CCDC73: variants seen among roughly 807,000 people sequenced by gnomAD.
CCDC73 encodes coiled-coil domain-containing protein 73.
A neutral mutation model predicts 116.5 loss-of-function variants in CCDC73; 95 were observed. The ratio of observed to expected loss-of-function variants is 0.82; its 90% confidence interval spans 0.69 to 0.97. CCDC73 has a LOEUF of 0.97. Ranked by LOEUF, CCDC73 falls within the 50% of genes least tolerant of loss-of-function variation. The pLI is 0.00. For synonymous variants in CCDC73, 398 were observed against 401.3 expected (o/e 0.99, Z 0.10); for missense variants, 1,066 against 1,206.8 (o/e 0.88, Z 1.73).
chr11:32,801,985 C>T, the CCDC73 span, among the ~76,000 whole-genome samples: 5 of 152,130 alleles, frequency 3.3e-5, no homozygotes, highest in Admixed American at 3.3e-4. Flanking sequence ...TAAAACATTA[C>T]ATATTTTATT....
intron 1 of CCDC73, among the ~76,000 whole-genome samples, chr11:32,783,881 G>C (rs892082875): frequency 1.3e-5 from 2 of 152,216 alleles, no homozygotes; most frequent in African/African-American, 2.4e-5. Flanking sequence ...TACGAAGACA[G>C]AGAGCAACCA....
intron 2 of CCDC73, among the ~76,000 whole-genome samples, chr11:32,742,054 A>C (rs905349055): frequency 6.6e-6 from 1 of 152,104 alleles, no homozygotes; most frequent in Non-Finnish European, 1.5e-5. Flanking sequence ...AATCCAGTCT[A>C]TCATTGATGG....
intron 13 of CCDC73, among the ~76,000 whole-genome samples, chr11:32,641,476 T>TA (rs1855732435): frequency 6.6e-6 from 1 of 151,968 alleles, no homozygotes; most frequent in Non-Finnish European, 1.5e-5. Flanking sequence ...ACCCTTATGA[T>TA]ATGTTGTTAA....
chr11:32,787,647 C>G (rs1265439860), intron 1 of CCDC73, among the ~76,000 whole-genome samples: 1 of 152,088 alleles, frequency 6.6e-6, no homozygotes, highest in African/African-American at 2.4e-5. Context: ...ATAAGCCTGT[C>G]TCCTTCATAC....
intron 1 of CCDC73, among the ~76,000 whole-genome samples, chr11:32,763,380 A>T (rs530274810): frequency 2.6e-4 from 39 of 152,306 alleles, no homozygotes; most frequent in African/African-American, 9.4e-4. Context: ...ATGGCCGGGT[A>T]CCCCTCTGAG....
At chr11:32,671,051 C>A (rs1346058680) in intron 9 of CCDC73, among the ~76,000 whole-genome samples, 5 of 152,154 alleles carry the variant, frequency 3.3e-5, no homozygotes, top group Non-Finnish European at 7.4e-5. Flanking sequence ...ATATCCTGAA[C>A]TTTTAGTACA....
At chr11:32,804,561 C>G in the CCDC73 span, among the ~76,000 whole-genome samples, 6 of 152,208 alleles carry the variant, frequency 3.9e-5, no homozygotes, top group African/African-American at 1.4e-4. Flanking sequence ...CCAACTGACC[C>G]TACCTTTTGC....
intron 2 of CCDC73, among the ~76,000 whole-genome samples, chr11:32,722,025 A>G (rs779151562): frequency 9.2e-5 from 14 of 152,340 alleles, no homozygotes; most frequent in Middle Eastern, 6.8e-3. Context: ...GCAAGTAACA[A>G]CAACAAAATC....
rs1185903877 is a variant in CCDC73 at position 32,760,235 on chromosome 11, G to A, written c.9C>T (p.Ser3=). 3 of 1,554,094 alleles carry A rather than the reference G, an allele frequency of 1.9e-6. No individual in the cohort carries two copies. The highest frequency in any genetic ancestry group is 2.6e-6 in the Non-Finnish European group (3 of 1,145,676). The change falls in exon 2 of 18, where the codon AGC becomes AGT. Residue 3 remains serine (S), a synonymous_variant. Coordinates refer to ENST00000335185, the MANE Select transcript of CCDC73 (RefSeq NM_001008391.4). Reference sequence around the variant, plus strand: ...TAGATGATGACTCAGTATTGAAGTTGCTTTCCATATTAATATTTATTTCCT... The same window carrying A: ...TAGATGATGACTCAGTATTGAAGTTACTTTCCATATTAATATTTATTTCCT... ME[S]NFNTESSSTF...
At chr11:32,746,264 T>C (rs1850238250) in intron 2 of CCDC73, among the ~76,000 whole-genome samples, 1 of 152,234 alleles carries the variant, frequency 6.6e-6, no homozygotes, top group Non-Finnish European at 1.5e-5. Context: ...CCCACTCTCT[T>C]CTGGCTTGTA....
intron 9 of CCDC73, among the ~76,000 whole-genome samples, chr11:32,663,409 G>A (rs1258698039): frequency 1.3e-5 from 2 of 152,162 alleles, no homozygotes; most frequent in African/African-American, 4.8e-5. Context: ...TCCCTTGTAA[G>A]TTGGATTCCT....
At chr11:32,610,729 T>G (rs983933178) in intron 17 of CCDC73, among the ~76,000 whole-genome samples, 8 of 152,226 alleles carry the variant, frequency 5.3e-5, no homozygotes, top group Non-Finnish European at 1.0e-4. Context: ...TTAAATTCTT[T>G]CCATCTCAGT....
intron 1 of CCDC73, among the ~76,000 whole-genome samples, chr11:32,786,600 A>G (rs1353941302): frequency 2.0e-5 from 3 of 149,656 alleles, no homozygotes; most frequent in African/African-American, 7.3e-5. Flanking sequence ...TCATCATATT[A>G]TTTATTTTAT....
chr11:32,715,626 T>C (rs1046809147), intron 3 of CCDC73, among the ~76,000 whole-genome samples: 2 of 152,132 alleles, frequency 1.3e-5, no homozygotes, highest in African/African-American at 4.8e-5. Flanking sequence ...CCAGCTCAGG[T>C]TGAAGAAGCA....
intron 3 of CCDC73, among the ~76,000 whole-genome samples, chr11:32,714,452 C>A (rs1369414555): frequency 2.6e-5 from 4 of 152,064 alleles, no homozygotes; most frequent in Non-Finnish European, 5.9e-5. Context: ...TGCTTTTCTT[C>A]TATATGACCA....
At chr11:32,762,401 C>A (rs988545351) in intron 1 of CCDC73, among the ~76,000 whole-genome samples, 2 of 152,094 alleles carry the variant, frequency 1.3e-5, no homozygotes, top group Non-Finnish European at 2.9e-5. Flanking sequence ...GCAAATGAAG[C>A]AAAATTAAAC....
chr11:32,670,067 T>C (rs981343389), intron 9 of CCDC73, among the ~76,000 whole-genome samples: 14 of 152,216 alleles, frequency 9.2e-5, no homozygotes, highest in African/African-American at 3.1e-4. Context: ...CTTTACACAA[T>C]AGGGTTTCTA....
intron 1 of CCDC73, among the ~76,000 whole-genome samples, chr11:32,770,293 T>A (rs1270410421): frequency 3.3e-5 from 5 of 152,136 alleles, no homozygotes; most frequent in Admixed American, 1.3e-4. Context: ...AAGCCTACAC[T>A]GTAGAGCTCA....
intron 15 of CCDC73, 104 bp downstream of exon 15, chr11:32,615,836 G>A: frequency 9.3e-7 from 1 of 1,075,896 alleles, no homozygotes; most frequent in South Asian, 1.6e-5. Context: ...AAAAAGACTA[G>A]GAATAAGTCA....
Sources: allele counts gnomAD v4.1 joint callset (sites outside exome capture counted in the v4.1 genomes callset), GRCh38; gene constraint gnomAD v4.1.1; transcripts MANE v1.5; gene names NCBI Gene and HGNC (gene_info 2026-07-23, HGNC 2026-07-21).